Variants in FER observed in about 807,000 individuals in gnomAD.
FER encodes FER tyrosine kinase.
In FER, 63 loss-of-function variants were observed where a neutral mutation model predicts 111.0. That is an observed-to-expected ratio of 0.57 (90% CI 0.46 to 0.70). The LOEUF is 0.70. Ranked by LOEUF, FER falls within the 30% of genes least tolerant of loss-of-function variation. The pLI, the probability that FER is intolerant of heterozygous loss-of-function variation, is 0.00. For synonymous variants in FER, 327 were observed against 313.9 expected, an observed-to-expected ratio of 1.04 and a Z score of -0.44; for missense variants, 914 against 954.0, an observed-to-expected ratio of 0.96 and a Z score of 0.55.
intron 17 of FER, among the ~76,000 whole-genome samples, chr5:109,174,743 C>T (rs1757500680): frequency 6.6e-6 from 1 of 152,172 alleles, no homozygotes; most frequent in Admixed American, 6.5e-5. Flanking sequence ...AAAGGTCATC[C>T]ATTTTGGCTC....
intron 17 of FER, among the ~76,000 whole-genome samples, chr5:109,124,159 C>T (rs760072164): frequency 5.9e-5 from 9 of 152,184 alleles, no homozygotes; most frequent in Admixed American, 2.6e-4. Context: ...CCTGGGAAGT[C>T]GAGGCTGCAG....
At chr5:109,000,876 C>T (rs1293522678) in intron 13 of FER, among the ~76,000 whole-genome samples, 2 of 152,140 alleles carry the variant, frequency 1.3e-5, no homozygotes, top group Non-Finnish European at 2.9e-5. Flanking sequence ...CTATAAACAC[C>T]TCTACGCAAA....
chr5:109,031,949 A>G (rs1224413851), intron 13 of FER, among the ~76,000 whole-genome samples: 2 of 152,214 alleles, frequency 1.3e-5, no homozygotes, highest in African/African-American at 4.8e-5. Flanking sequence ...TTCCTAGAGA[A>G]GCAGTGCTAG....
Position 109,051,398 on chromosome 5 carries a change from G to T in FER, c.1924+4200G>T, listed in dbSNP as rs116422337. Reference sequence around the variant, plus strand: ...GGTTGCTGGTCCACAATGGCTAGTGGCTGTAGTTCATGTCCAGCAGCTAGT... The same window carrying T: ...GGTTGCTGGTCCACAATGGCTAGTGTCTGTAGTTCATGTCCAGCAGCTAGT... On this transcript the variant is annotated intron_variant, in intron 16 of 19. Transcript: ENST00000281092. The T allele has an allele frequency of 1.8e-3, 2,877 of 1,612,418 alleles. 39 individuals are homozygous for T. In the African/African-American group the frequency reaches 0.035, roughly 20 times the overall value.
chr5:109,065,792 T>A (rs966473267), intron 16 of FER, among the ~76,000 whole-genome samples: 29 of 152,210 alleles, frequency 1.9e-4, no homozygotes, highest in African/African-American at 6.8e-4. Flanking sequence ...TTGCTTTCAT[T>A]TGTCCTTTCC....
chr5:108,986,374 A>AT (rs1762579109), intron 13 of FER, among the ~76,000 whole-genome samples: 1 of 147,368 alleles, frequency 6.8e-6, no homozygotes, highest in Non-Finnish European at 1.5e-5. Context: ...GATTGTGAAG[A>AT]TTTTCTTCCA....
intron 5 of FER, among the ~76,000 whole-genome samples, chr5:108,854,732 T>C (rs979510898): frequency 6.6e-6 from 1 of 151,898 alleles, no homozygotes; most frequent in Non-Finnish European, 1.5e-5. Context: ...GGCCAGGAGT[T>C]CAAGACCAAC....
At chr5:108,868,668 T>A (rs1764313805) in intron 6 of FER, among the ~76,000 whole-genome samples, 1 of 151,952 alleles carries the variant, frequency 6.6e-6, no homozygotes, top group Non-Finnish European at 1.5e-5. Flanking sequence ...ATGAGTAGGG[T>A]TGAAGAATGG....
chr5:108,852,374 T>G (rs978238461), intron 5 of FER, among the ~76,000 whole-genome samples: 1 of 152,182 alleles, frequency 6.6e-6, no homozygotes, highest in Non-Finnish European at 1.5e-5. Flanking sequence ...AAATTTATGT[T>G]TAAATAAGTC....
At chr5:108,875,790 T>A (rs1765027709) in intron 8 of FER, among the ~76,000 whole-genome samples, 1 of 152,148 alleles carries the variant, frequency 6.6e-6, no homozygotes, top group Admixed American at 6.6e-5. Flanking sequence ...AGAAGAAATT[T>A]TGATTAATTT....
intron 17 of FER, among the ~76,000 whole-genome samples, chr5:109,158,075 G>C (rs761780466): frequency 5.9e-5 from 9 of 151,920 alleles, no homozygotes; most frequent in Non-Finnish European, 7.4e-5. Flanking sequence ...AAAAACAGGC[G>C]TGTATCTATT....
chr5:108,832,766 T>A lies in FER; in HGVS notation c.208-4T>A, dbSNP rs1335377517. The A allele has an allele frequency of 1.3e-5, 18 of 1,438,106 alleles. No individual in the cohort carries two copies. The highest frequency in any genetic ancestry group is 8.3e-5 in the South Asian group (5 of 60,480). The allele number at this position is 1,438,106 out of a possible 1,614,324, so 89.1% of individuals were successfully genotyped here. A position where few individuals can be genotyped will look rare whatever the true frequency, so the allele number is the denominator to read the frequency against. ...TGTTTGTTTCTTTTTTTTTTTTTTT[T>A]AAGTCTTGGCTACTTATGATTCAGC... On this transcript the variant is annotated splice_region_variant and splice_polypyrimidine_tract_variant and intron_variant, in intron 3 of 19. Transcript: ENST00000281092.
intron 2 of FER, among the ~76,000 whole-genome samples, chr5:108,788,799 A>T (rs775353442): frequency 1.1e-4 from 16 of 152,342 alleles, no homozygotes; most frequent in Admixed American, 2.0e-4. Context: ...TGAAACGATT[A>T]TAGTTTACTC....
At chr5:108,919,401 AAAC>A (rs1344387077) in intron 10 of FER, among the ~76,000 whole-genome samples, 1 of 152,102 alleles carries the variant, frequency 6.6e-6, no homozygotes, top group Non-Finnish European at 1.5e-5. Flanking sequence ...GGGTTTTTCT[AAAC>A]AAGTTTATTT....
intron 13 of FER, among the ~76,000 whole-genome samples, chr5:109,011,115 T>G (rs1194501175): frequency 6.6e-6 from 1 of 152,190 alleles, no homozygotes; most frequent in African/African-American, 2.4e-5. Flanking sequence ...AGCATGTTTT[T>G]TAAATGTGTT....
At chr5:109,041,728 T>A (rs2149894010) in intron 14 of FER, among the ~76,000 whole-genome samples, 1 of 152,228 alleles carries the variant, frequency 6.6e-6, no homozygotes, top group East Asian at 1.9e-4. Context: ...AAATTGCCAA[T>A]AAACAAAATA....
chr5:109,002,228 C>T lies in FER; in HGVS notation c.1657-35194C>T, dbSNP rs560708442. Among the ~76,000 whole-genome samples the T allele has an allele frequency of 9.9e-5, 15 of 152,086 alleles. No homozygotes were observed. In the South Asian group the frequency reaches 2.9e-3, roughly 29 times the overall value. On this transcript the variant is annotated intron_variant, in intron 13 of 19. Transcript: ENST00000281092. ...CGCTACCTGACTTCAAACTATACTA[C>T]AAGGCTACAGTAACCAAAACAGCAT...
At chr5:108,996,919 G>T (rs1764059936) in intron 13 of FER, among the ~76,000 whole-genome samples, 1 of 151,942 alleles carries the variant, frequency 6.6e-6, no homozygotes, top group African/African-American at 2.4e-5. Flanking sequence ...TCATTTATTT[G>T]TGTCCTCTTT....
rs535712737 is a variant in FER at position 108,887,286 on chromosome 5, A to G, written c.1046+3768A>G. Among the ~76,000 whole-genome samples the G allele has an allele frequency of 3.3e-5, 5 of 151,890 alleles. No individual in the cohort carries two copies. The South Asian group carries it at 1.0e-3, about 31-fold the overall frequency. ...AATATGAGACTAAAACCACATTTTT[A>G]TAATTTGAATTTAATATATCCATGT... is the stretch of plus-strand genomic sequence containing the variant. On this transcript the variant is annotated intron_variant, in intron 9 of 19. Transcript: ENST00000281092.
Sources: gnomAD v4.1 joint callset for allele counts (sites outside exome capture counted in the v4.1 genomes callset) on GRCh38, gnomAD v4.1.1 for gene constraint, MANE v1.5 for transcripts, NCBI Gene and HGNC (gene_info 2026-07-23, HGNC 2026-07-21) for gene names.